The following GATA3 variants were observed in gnomAD, a reference collection of about 807,000 sequenced individuals.
GATA3 encodes the protein trans-acting T-cell-specific transcription factor GATA-3.
A neutral mutation model predicts 36.0 loss-of-function variants in GATA3; 6 were observed. The ratio of observed to expected loss-of-function variants is 0.17; its 90% CI spans 0.09 to 0.33. GATA3 has a LOEUF of 0.33. Ranked by LOEUF, GATA3 falls within the 10% of genes least tolerant of loss-of-function variation. The probability of loss-of-function intolerance (pLI) is 1.00; values close to 1 mark genes in which losing one functional copy is unlikely to be tolerated. For missense variants in GATA3, 514 were observed against 610.1 expected (o/e 0.84, Z 1.66); for synonymous variants, 326 against 273.0 (o/e 1.19, Z -1.92).
upstream of GATA3, chr10:8,051,452 T>C: frequency 5.3e-6 from 1 of 186,946 alleles, no homozygotes; most frequent in Non-Finnish European, 1.1e-5. Flanking sequence ...TCCAGGTTGA[T>C]CGCCAGCCCC....
rs1832972770 is a variant in GATA3, at chr10:8,073,889, A to T, written c.1201A>T (p.Met401Leu). The T allele has an allele frequency of 1.2e-6, 2 of 1,614,004 alleles. No homozygotes were observed. Among genetic ancestry groups the T allele is most frequent in the Non-Finnish European group, 1.7e-6 (2 of 1,179,994 alleles). The change falls in exon 6 of 6, where the codon ATG becomes TTG. Residue 401 changes from methionine (M) to leucine (L), a missense_variant. Coordinates refer to ENST00000379328, the MANE Select transcript of GATA3 (RefSeq NM_001002295.2). ...SFNPAALSRHMSSLSHISPFS... is the reference protein window; with the variant it reads ...SFNPAALSRHLSSLSHISPFS... ...TAACCCGGCCGCCCTCTCCAGACAC[A>T]TGTCCTCCCTGAGCCACATCTCGCC...
chr10:8,069,867 G>T (rs566744210), intron 5 of GATA3, among the ~76,000 whole-genome samples: 1 of 150,900 alleles, frequency 6.6e-6, no homozygotes, highest in Non-Finnish European at 1.5e-5. Flanking sequence ...TGTGCTGAGT[G>T]GGCCTGTGTG....
intron 3 of GATA3, among the ~76,000 whole-genome samples, chr10:8,061,080 TCTCTCTCTC>T (rs1832739934): frequency 1.3e-5 from 2 of 148,826 alleles, no homozygotes; most frequent in Non-Finnish European, 3.0e-5. Flanking sequence ...TCTCTCTCTC[TCTCTCTCTC>T]TTTTTTACCC....
At chr10:8,052,137 G>A (rs1233180265), upstream of GATA3, 3 of 152,234 alleles carry the variant, frequency 2.0e-5, no homozygotes, top group South Asian at 4.1e-4. Context: ...GGCCGGCTGG[G>A]AATTAAATGC....
intron 1 of GATA3, among the ~76,000 whole-genome samples, chr10:8,047,721 A>G (rs561518692): frequency 6.6e-6 from 1 of 152,318 alleles, no homozygotes; most frequent in South Asian, 2.1e-4. Context: ...GAACAGGCAC[A>G]TGCGTCTGGT....
At chr10:8,053,455 G>A (rs1191037062), upstream of GATA3, 3 of 152,198 alleles carry the variant, frequency 2.0e-5, no homozygotes, top group Non-Finnish European at 4.4e-5. This position sits in a 1 kb window ranked among gnomAD's most constrained non-coding sequence, Gnocchi z 5.1. Context: ...GCAGCCACCC[G>A]GGCGCCGCTA....
chr10:8,048,234 C>T (rs1047071747), intron 1 of GATA3, among the ~76,000 whole-genome samples: 4 of 152,162 alleles, frequency 2.6e-5, no homozygotes, highest in African/African-American at 9.7e-5. Context: ...CCAGGGGGCT[C>T]AGGAGCTGGG....
At chr10:8,053,456 G>A (rs1311063704), upstream of GATA3, 2 of 152,220 alleles carry the variant, frequency 1.3e-5, no homozygotes, top group Non-Finnish European at 2.9e-5. This position sits in a 1 kb window ranked among gnomAD's most constrained non-coding sequence, Gnocchi z 5.1. Context: ...CAGCCACCCG[G>A]GCGCCGCTAG....
upstream of GATA3, chr10:8,050,693 C>A (rs1832462700): frequency 8.7e-6 from 2 of 231,206 alleles, no homozygotes; most frequent in South Asian, 8.8e-5. Flanking sequence ...AGGGACTCGG[C>A]GGCTCGGCTC....
At chr10:8,050,782 A>G (rs1832465242), upstream of GATA3, 1 of 341,942 alleles carries the variant, frequency 2.9e-6, no homozygotes, top group African/African-American at 2.3e-5. Context: ...CTCTGCTTGC[A>G]AAGTCTTTAA....
intron 5 of GATA3, among the ~76,000 whole-genome samples, 171 bp from the exon 6 acceptor site, chr10:8,073,568 G>C (rs376111885): frequency 6.6e-6 from 1 of 152,076 alleles, no homozygotes; most frequent in African/African-American, 2.4e-5. Context: ...TAGTTCTTCA[G>C]TCCCTGGGAA....
chr10:8,067,807 G>A (rs1380866302), intron 4 of GATA3, among the ~76,000 whole-genome samples: 1 of 151,572 alleles, frequency 6.6e-6, no homozygotes, highest in East Asian at 2.0e-4. Flanking sequence ...GACAGAGCGA[G>A]ACTCCGTCTC....
In GATA3 at chr10:8,074,277, T is replaced by C. The variant is rs1832979903; in HGVS notation, c.*254T>C. ...CTATTTAACAGGGTCTCTAGTGCTG[T>C]GAAAAAAAAAATGCTGAACATTGCA... is the stretch of plus-strand genomic sequence containing the variant. On this transcript the variant is annotated 3_prime_UTR_variant, in exon 6 of 6. Coordinates refer to ENST00000379328, the MANE Select transcript of GATA3 (RefSeq NM_001002295.2). The C allele has an allele frequency of 4.9e-6, 2 of 408,776 alleles. No individual in the cohort carries two copies. Among genetic ancestry groups the C allele is most frequent in the Non-Finnish European group, 8.2e-6 (2 of 243,100 alleles). The allele number at this position is 408,776 out of a possible 1,614,324, so 25.3% of individuals were successfully genotyped here.
chr10:8,061,404 G>A (rs1029959737), intron 3 of GATA3, among the ~76,000 whole-genome samples: 7 of 152,158 alleles, frequency 4.6e-5, no homozygotes. Flanking sequence ...AGGCCAAGGC[G>A]GAGCAAGAGG....
intron 2 of GATA3, among the ~76,000 whole-genome samples, chr10:8,056,372 G>T (rs1188228453): frequency 6.6e-6 from 1 of 152,232 alleles, no homozygotes; most frequent in Non-Finnish European, 1.5e-5. Flanking sequence ...GGGCGGGGTG[G>T]AGGGGGCCCT....
chr10:8,061,933 C>T (rs1276876191), intron 3 of GATA3, among the ~76,000 whole-genome samples: 3 of 152,254 alleles, frequency 2.0e-5, no homozygotes, highest in Non-Finnish European at 4.4e-5. Context: ...GAGGGGGTCC[C>T]CTGTCTGGGC....
chr10:8,061,947 G>A lies in GATA3; in HGVS notation c.779-2046G>A, dbSNP rs76666166. On this transcript the variant is annotated intron_variant, in intron 3 of 5. Transcript: ENST00000379328. ...CGAGGGGGTCCCCTGTCTGGGCAGG[G>A]TGGGGAGTGGGCCTGCAGTCCTAGC... is the stretch of plus-strand genomic sequence containing the variant. Among the ~76,000 whole-genome samples, 359 of 152,376 alleles carry A rather than the reference G, an allele frequency of 2.4e-3. 1 individual carries two copies. The highest frequency in any genetic ancestry group is 6.8e-3 in the Middle Eastern group (2 of 294).
chr10:8,052,020 C>A (rs947058574), upstream of GATA3, among the ~76,000 whole-genome samples: 2 of 152,182 alleles, frequency 1.3e-5, no homozygotes, highest in Admixed American at 1.3e-4. Context: ...GGGCTGGGCC[C>A]GTGACGTCAA....
chr10:8,069,852 T>C (rs7901019), intron 5 of GATA3, among the ~76,000 whole-genome samples: 55 of 151,390 alleles, frequency 3.6e-4, no homozygotes, highest in African/African-American at 1.3e-3. Context: ...CATGCAGCAA[T>C]CCGATGTGCT....
Sources: gnomAD v4.1 joint callset for allele counts (sites outside exome capture counted in the v4.1 genomes callset) on GRCh38, gnomAD v4.1.1 for gene constraint, Gnocchi (gnomAD v3.1) non-coding constraint, MANE v1.5 for transcripts, NCBI Gene and HGNC (gene_info 2026-07-23, HGNC 2026-07-21) for gene names.